NPAS3: variants seen among roughly 807,000 people sequenced by gnomAD.
NPAS3 encodes neuronal PAS domain protein 3, also known as neuronal PAS domain-containing protein 3.
A neutral mutation model predicts 73.1 loss-of-function variants in NPAS3; 14 were observed. The observed-to-expected ratio is 0.19, with a 90% confidence interval of 0.13 to 0.30. The LOEUF (loss-of-function observed/expected upper bound fraction) is 0.30. Among genes scored for constraint, NPAS3 ranks in the 10% least tolerant of loss-of-function variants. The pLI is 1.00. For synonymous variants in NPAS3, 620 were observed against 541.5 expected, an observed-to-expected ratio of 1.14 and a Z score of -2.01; for missense variants, 1,096 against 1,250.0, an observed-to-expected ratio of 0.88 and a Z score of 1.86.
intron 4 of NPAS3, among the ~76,000 whole-genome samples, chr14:33,429,908 C>T (rs2048711525): frequency 6.6e-6 from 1 of 152,098 alleles, no homozygotes; most frequent in Admixed American, 6.5e-5. Flanking sequence ...TGCAGATGCC[C>T]TTGGGGACTA....
At position 33,684,380 on chromosome 14, in the gene NPAS3, C is replaced by T. The variant is rs575403410; in HGVS notation, c.733+7995C>T. Among the ~76,000 whole-genome samples the T allele has an allele frequency of 7.9e-5, 12 of 152,088 alleles. 1 individual carries two copies. The South Asian group carries it at 1.5e-3, about 18-fold the overall frequency. Reference sequence around the variant, plus strand: ...AGGCTGGAGTGCAGTGGCACAATCTCGGCTCACTACAACCTCCATCTCTCG... The same window carrying T: ...AGGCTGGAGTGCAGTGGCACAATCTTGGCTCACTACAACCTCCATCTCTCG... On this transcript the variant is annotated intron_variant, in intron 6 of 11. Coordinates refer to ENST00000356141, the Ensembl canonical transcript of NPAS3.
intron 2 of NPAS3, among the ~76,000 whole-genome samples, chr14:33,056,278 G>C (rs1025651213): frequency 6.6e-6 from 1 of 151,910 alleles, no homozygotes; most frequent in African/African-American, 2.4e-5. Context: ...TCTTTATATT[G>C]CAATAAACAA....
At chr14:33,499,177 T>A (rs540122350) in intron 4 of NPAS3, among the ~76,000 whole-genome samples, 133 of 151,998 alleles carry the variant, frequency 8.8e-4, no homozygotes, top group African/African-American at 3.0e-3. Flanking sequence ...CCAAAAAATA[T>A]TATCGAAAAG....
intron 2 of NPAS3, among the ~76,000 whole-genome samples, chr14:33,099,314 A>G (rs1321441318): frequency 2.0e-5 from 3 of 152,220 alleles, no homozygotes; most frequent in Admixed American, 6.5e-5. Context: ...CATGAAAGCC[A>G]TGGACATCTT....
At chr14:33,042,080 T>C (rs1350725297) in intron 1 of NPAS3, among the ~76,000 whole-genome samples, 1 of 152,128 alleles carries the variant, frequency 6.6e-6, no homozygotes, top group Non-Finnish European at 1.5e-5. Flanking sequence ...ATGGGGCAAT[T>C]GGGCCGGTTT....
At chr14:33,436,412 A>G (rs1174751213) in intron 4 of NPAS3, among the ~76,000 whole-genome samples, 1 of 152,188 alleles carries the variant, frequency 6.6e-6, no homozygotes, top group African/African-American at 2.4e-5. Context: ...TGACGTTAAT[A>G]TTTTGGACAT....
Position 33,475,993 on chromosome 14 carries a change from A to G in NPAS3, c.469-84128A>G, listed in dbSNP as rs578183498. Among the ~76,000 whole-genome samples, 10 of 152,304 alleles carry G rather than the reference A, an allele frequency of 6.6e-5. No homozygotes were observed. In the South Asian group the frequency reaches 2.1e-3, roughly 32 times the overall value. On this transcript the variant is annotated intron_variant, in intron 4 of 11. Coordinates refer to ENST00000356141, the Ensembl canonical transcript of NPAS3. ...CGTTTGATGAGAAACTACGTGATTT[A>G]CTAGTAAGCCATGGCTGCGCTTTCC...
intron 5 of NPAS3, among the ~76,000 whole-genome samples, chr14:33,623,784 C>T (rs1289942068): frequency 6.6e-6 from 1 of 152,216 alleles, no homozygotes; most frequent in African/African-American, 2.4e-5. Flanking sequence ...CCTGCCTCCT[C>T]ACTGGGCACT....
chr14:33,246,995 CAG>C (rs1193433837), intron 3 of NPAS3, among the ~76,000 whole-genome samples: 1 of 151,708 alleles, frequency 6.6e-6, no homozygotes, highest in East Asian at 1.9e-4. Context: ...ACCTGGGTGA[CAG>C]AGCAATACCC....
At chr14:33,421,136 G>A (rs1049358451) in intron 4 of NPAS3, among the ~76,000 whole-genome samples, 11 of 151,794 alleles carry the variant, frequency 7.2e-5, no homozygotes, top group African/African-American at 2.4e-5. Context: ...TCAAGGAGAC[G>A]CTGGATTTGT....
chr14:33,012,694 G>C (rs148237346), intron 1 of NPAS3, among the ~76,000 whole-genome samples: 2 of 151,862 alleles, frequency 1.3e-5, no homozygotes, highest in Non-Finnish European at 2.9e-5. Flanking sequence ...GATTACAGGC[G>C]CCCGCCACCA....
intron 1 of NPAS3, among the ~76,000 whole-genome samples, chr14:32,976,722 T>C (rs531097531): frequency 1.3e-5 from 2 of 152,324 alleles, no homozygotes; most frequent in South Asian, 2.1e-4. Flanking sequence ...CAGCAAAAGA[T>C]TGAGGACAAA....
chr14:33,393,608 G>A (rs1471137759), intron 4 of NPAS3, among the ~76,000 whole-genome samples: 1 of 152,196 alleles, frequency 6.6e-6, no homozygotes, highest in Non-Finnish European at 1.5e-5. Flanking sequence ...AACTGAAATA[G>A]AGTTAATTTC....
At chr14:33,723,991 C>T (rs141296019) in intron 6 of NPAS3, among the ~76,000 whole-genome samples, 12 of 152,180 alleles carry the variant, frequency 7.9e-5, no homozygotes, top group Admixed American at 2.0e-4. Context: ...ACGCGTAGCA[C>T]GATCAAACCT....
At chr14:33,619,222 T>A (rs1186073820) in intron 5 of NPAS3, among the ~76,000 whole-genome samples, 1 of 152,138 alleles carries the variant, frequency 6.6e-6, no homozygotes. Flanking sequence ...ATCTGCCAAC[T>A]CTTGAGAAAA....
intron 7 of NPAS3, among the ~76,000 whole-genome samples, chr14:33,737,814 A>T (rs2061560535): frequency 6.6e-6 from 1 of 152,154 alleles, no homozygotes; most frequent in Non-Finnish European, 1.5e-5. Flanking sequence ...TCACCCCACC[A>T]CCACACAATA....
chr14:33,095,608 C>G (rs1335008042), intron 2 of NPAS3, among the ~76,000 whole-genome samples: 1 of 148,960 alleles, frequency 6.7e-6, no homozygotes, highest in Non-Finnish European at 1.5e-5. Flanking sequence ...AGTATGGTAT[C>G]AAGTCCTAAA....
chr14:33,574,878 A>G (rs184046788), intron 5 of NPAS3, among the ~76,000 whole-genome samples: 3 of 152,194 alleles, frequency 2.0e-5, no homozygotes, highest in South Asian at 4.1e-4. Context: ...TTCTGAACTC[A>G]TGGTGGCTCT....
intron 1 of NPAS3, among the ~76,000 whole-genome samples, chr14:33,047,129 G>A (rs17099987): frequency 0.099 from 15,089 of 152,180 alleles, 792 homozygotes; most frequent in Non-Finnish European, 0.11. Context: ...GAAGCCGAAA[G>A]GTTGAAATTA....
Sources: allele counts gnomAD v4.1 joint callset (sites outside exome capture counted in the v4.1 genomes callset), GRCh38; gene constraint gnomAD v4.1.1; transcripts MANE v1.5; gene names NCBI Gene and HGNC (gene_info 2026-07-23, HGNC 2026-07-21).